Variants in INSC observed in about 807,000 individuals in gnomAD.
The protein encoded by INSC is protein inscuteable homolog.
A neutral mutation model predicts 58.6 loss-of-function variants in INSC; 67 were observed. The observed-to-expected ratio is 1.14, with a 90% CI of 0.94 to 1.40. INSC has a LOEUF of 1.40. Among genes scored for constraint, INSC ranks in the 40% most tolerant of loss-of-function variants. The probability of loss-of-function intolerance (pLI) is 0.00; values close to 1 mark genes in which losing one functional copy is unlikely to be tolerated. For synonymous variants in INSC, 262 were observed against 276.1 expected (o/e 0.95, Z 0.51); for missense variants, 714 against 692.0 (o/e 1.03, Z -0.36).
intron 1 of INSC, among the ~76,000 whole-genome samples, chr11:15,121,906 C>T (rs1331177601): frequency 6.6e-6 from 1 of 152,090 alleles, no homozygotes; most frequent in Non-Finnish European, 1.5e-5. Flanking sequence ...TGATGCATCT[C>T]CATGATTCTC....
intron 2 of INSC, among the ~76,000 whole-genome samples, chr11:15,160,030 A>G (rs1257648027): frequency 6.6e-6 from 1 of 152,228 alleles, no homozygotes. Context: ...ATTGCCTTGC[A>G]GATACTGTAG....
At chr11:15,169,937 G>A (rs1420736431) in intron 2 of INSC, among the ~76,000 whole-genome samples, 2 of 152,176 alleles carry the variant, frequency 1.3e-5, no homozygotes, top group Non-Finnish European at 2.9e-5. Flanking sequence ...CATTGCAGTT[G>A]TCCCTTGGCA....
intron 1 of INSC, among the ~76,000 whole-genome samples, chr11:15,131,095 T>C (rs532929994): frequency 1.3e-5 from 2 of 152,190 alleles, no homozygotes; most frequent in Non-Finnish European, 2.9e-5. Flanking sequence ...TTTCTTAAGT[T>C]GGAGATTATT....
chr11:15,258,914 G>T, the INSC span, among the ~76,000 whole-genome samples: 1 of 152,150 alleles, frequency 6.6e-6, no homozygotes, highest in Non-Finnish European at 1.5e-5. Context: ...ATGCCAATTT[G>T]CTTGTCAAAT....
downstream of INSC, among the ~76,000 whole-genome samples, chr11:15,250,652 G>T (rs747569741): frequency 7.9e-5 from 12 of 152,248 alleles, no homozygotes; most frequent in Non-Finnish European, 1.6e-4. Context: ...CCTAGTGTTG[G>T]TGTCTATCTC....
At chr11:15,188,055 G>A (rs1003336964) in intron 5 of INSC, 7 of 362,938 alleles carry the variant, frequency 1.9e-5, no homozygotes, top group Non-Finnish European at 2.7e-5. Context: ...AGGGAATCAA[G>A]CCAAAGTCCC....
intron 7 of INSC, among the ~76,000 whole-genome samples, chr11:15,210,350 G>C (rs1850971011): frequency 1.0e-5 from 1 of 95,572 alleles, no homozygotes; most frequent in South Asian, 3.5e-4. Context: ...TAGATGTTTA[G>C]CTGGCAGGGC....
At chr11:15,223,337 C>CTATT (rs1554925108) in intron 8 of INSC, among the ~76,000 whole-genome samples, 1 of 152,200 alleles carries the variant, frequency 6.6e-6, no homozygotes, top group East Asian at 1.9e-4. Context: ...AGGGGTCTTC[C>CTATT]TATTTGTTTC....
chr11:15,167,639 A>G (rs1849248320), intron 2 of INSC, among the ~76,000 whole-genome samples: 1 of 151,538 alleles, frequency 6.6e-6, no homozygotes, highest in South Asian at 2.1e-4. Flanking sequence ...TCAGCTAATT[A>G]TTATTAATAA....
chr11:15,265,706 T>G, the INSC span, among the ~76,000 whole-genome samples: 1 of 151,868 alleles, frequency 6.6e-6, no homozygotes, highest in Non-Finnish European at 1.5e-5. Flanking sequence ...CTAGTTTATT[T>G]AAAGTACTAA....
chr11:15,152,439 G>A (rs1848683849), intron 2 of INSC, among the ~76,000 whole-genome samples: 2 of 152,194 alleles, frequency 1.3e-5, no homozygotes, highest in African/African-American at 4.8e-5. Context: ...ATAGCAAACT[G>A]AAGCCCAACA....
intron 2 of INSC, among the ~76,000 whole-genome samples, chr11:15,162,618 T>C (rs1162055793): frequency 6.6e-6 from 1 of 152,238 alleles, no homozygotes; most frequent in East Asian, 1.9e-4. Context: ...TATGATGTAC[T>C]CTCCACAGGG....
intron 7 of INSC, 96 bp from the exon 8 acceptor site, chr11:15,221,381 A>G (rs991912761): frequency 1.4e-6 from 2 of 1,415,750 alleles, no homozygotes; most frequent in South Asian, 1.4e-5. Flanking sequence ...GCTGGCTTCC[A>G]TGTAGTGGGG....
chr11:15,149,103 T>C, intron 1 of INSC, 27 bp from the exon 2 acceptor site: 1 of 1,559,958 alleles, frequency 6.4e-7, no homozygotes, highest in Non-Finnish European at 8.7e-7. Flanking sequence ...TAGGATCTCG[T>C]TGTGCCATCC....
At chr11:15,153,051 G>A (rs1380395037) in intron 2 of INSC, among the ~76,000 whole-genome samples, 1 of 152,192 alleles carries the variant, frequency 6.6e-6, no homozygotes, top group Non-Finnish European at 1.5e-5. Flanking sequence ...TTTCAACAAA[G>A]TTCTTCTATA....
intron 5 of INSC, among the ~76,000 whole-genome samples, chr11:15,181,984 G>C (rs1041136432): frequency 2.6e-5 from 4 of 152,122 alleles, no homozygotes; most frequent in Non-Finnish European, 5.9e-5. Flanking sequence ...ATCTCAGCCA[G>C]GAGGGCCTCA....
intron 1 of INSC, among the ~76,000 whole-genome samples, chr11:15,116,572 G>T (rs1847701049): frequency 6.6e-6 from 1 of 152,084 alleles, no homozygotes. Flanking sequence ...GCTGAGTGGT[G>T]GTGTTATTCT....
intron 10 of INSC, among the ~76,000 whole-genome samples, chr11:15,236,120 GT>G (rs1355047134): frequency 6.6e-6 from 1 of 151,426 alleles, no homozygotes; most frequent in African/African-American, 2.4e-5. Flanking sequence ...ATATATGTGT[GT>G]GCTTGTATGT....
chr11:15,171,677 ATG>A (rs2133812946), intron 2 of INSC, among the ~76,000 whole-genome samples: 1 of 152,266 alleles, frequency 6.6e-6, no homozygotes, highest in South Asian at 2.1e-4. Flanking sequence ...CAACTCAACT[ATG>A]TTTAGTTATC....
Sources: gnomAD v4.1 joint callset for allele counts (sites outside exome capture counted in the v4.1 genomes callset) on GRCh38, gnomAD v4.1.1 for gene constraint, MANE v1.5 for transcripts, NCBI Gene and HGNC (gene_info 2026-07-23, HGNC 2026-07-21) for gene names.